Variants in CHD3 observed in about 807,000 individuals in gnomAD.
CHD3 encodes chromodomain helicase DNA binding protein 3.
CHD3 carries 52 observed loss-of-function variants against 248.9 expected under a neutral mutation model. That is an observed-to-expected ratio of 0.21 (90% CI 0.17 to 0.26). CHD3 has a LOEUF of 0.26. CHD3 is among the 10% of genes least tolerant of loss of function. The pLI is 1.00. For missense variants in CHD3, 1,482 were observed against 2,605.8 expected, an observed-to-expected ratio of 0.57 and a Z score of 9.39; for synonymous variants, 985 against 985.2, an observed-to-expected ratio of 1.00 and a Z score of 0.00.
In CHD3 at chr17:7,899,052, C is replaced by T. The variant is rs766033254; in HGVS notation, c.2193C>T (p.Ala731=). 6.2e-7 allele frequency: 1 copy of T among 1,614,180 alleles called. No homozygotes were observed. The highest frequency in any genetic ancestry group is 1.7e-5 in the Admixed American group (1 of 60,020). ...AGACTCAGCCACGGTTTATCACAGC[C>T]ACTGGAGGCACCCTGCACATGTATC... ...KYETQPRFIT[A]TGGTLHMYQL... The change falls in exon 14 of 40, where the codon GCC becomes GCT. Residue 731 remains alanine, a synonymous_variant. Transcript: ENST00000330494. This position sits in a 1 kb window ranked among gnomAD's most constrained non-coding sequence, Gnocchi z 6.8.
chr17:7,885,087 A>T, upstream of CHD3: 1 of 965,642 alleles, frequency 1.0e-6, no homozygotes, highest in Non-Finnish European at 1.2e-6. Flanking sequence ...CCGCCAGGTA[A>T]GCGCCCGCCC....
chr17:7,890,578 A>G lies in CHD3; in HGVS notation c.221A>G (p.Glu74Gly). 1.3e-6 allele frequency: 2 copies of G among 1,584,574 alleles called. No homozygotes were observed. Among genetic ancestry groups the G allele is most frequent in the Non-Finnish European group, 1.7e-6 (2 of 1,169,708 alleles). The change falls in exon 3 of 40, where the codon GAG (glutamate) becomes GGG (glycine). Residue 74 changes from glutamate to glycine, a missense_variant. Glu to Gly is a moderately conservative substitution (Grantham distance 98). This residue lies in a region of CHD3 where 169 missense variants were observed against 168.1 expected (regional missense o/e 1.01). Transcript: ENST00000330494. ...TTTATTTCTTTCTCTTAGGACAGTG[A>G]GGAGGAATTTGGTTCTGAGCGAGAT... ...KPRKRKKRDS[E>G]EEFGSERDEY...
rs754127135 is a variant in CHD3, at chr17:7,900,248, T to A, written c.2683-42T>A. 6.2e-6 allele frequency: 10 copies of A among 1,613,130 alleles called. No individual in the cohort carries two copies. In the South Asian group the frequency reaches 1.1e-4, roughly 18 times the overall value. On this transcript the variant is annotated intron_variant, in intron 16 of 39. Coordinates refer to ENST00000330494, the MANE Select transcript of CHD3 (RefSeq NM_001005273.3). The surrounding 1 kb of genome is among the most constrained non-coding windows in gnomAD (Gnocchi z 6.5). ...ATGCTGTGGGTCGGTCACTTGTCAC[T>A]AATAAGCCCATTTTCCTGCCTTGCC... is the stretch of plus-strand genomic sequence containing the variant.
In CHD3 at chr17:7,911,930, C is replaced by T. The variant is rs1971715149; in HGVS notation, c.*345C>T. On this transcript the variant is annotated 3_prime_UTR_variant, in exon 40 of 40. Transcript: ENST00000330494. This position sits in a 1 kb window ranked among gnomAD's most constrained non-coding sequence, Gnocchi z 5.4. ...GAGGAAAGAGGTGGAGCCTCCCCAG[C>T]CGTTTCCCTGCAGAATCAGCTCTGT... The T allele has an allele frequency of 5.1e-6, 2 of 389,788 alleles. No homozygotes were observed. The highest frequency in any genetic ancestry group is 2.2e-5 in the South Asian group (1 of 45,720). 24.1% of individuals were successfully genotyped at this position (389,788 alleles called of 1,614,324 possible).
chr17:7,906,467 G>C lies in CHD3; in HGVS notation c.4359-86G>C. On this transcript the variant is annotated intron_variant, in intron 28 of 39. Transcript: ENST00000330494. The surrounding 1 kb of genome is among the most constrained non-coding windows in gnomAD (Gnocchi z 5.0). ...CACCTGGGGATTTGGGGGTTTGGGG[G>C]TCCTCAGTCATCCTCGCGCCTCCCT... 2 of 1,437,608 alleles carry C rather than the reference G, an allele frequency of 1.4e-6. No individual in the cohort carries two copies. The highest frequency in any genetic ancestry group is 3.6e-5 in the Admixed American group (2 of 54,980). The allele number at this position is 1,437,608 out of a possible 1,614,324, so 89.1% of individuals were successfully genotyped here. A position where few individuals can be genotyped will look rare whatever the true frequency, so the allele number is the denominator to read the frequency against.
chr17:7,894,770 A>G lies in CHD3; in HGVS notation c.1270-147A>G, dbSNP rs1969410003. 3.6e-6 allele frequency: 5 copies of G among 1,392,596 alleles called. No individual in the cohort carries two copies. In the South Asian group the frequency reaches 6.8e-5, roughly 19 times the overall value. 86.3% of individuals were successfully genotyped at this position (1,392,596 alleles called of 1,614,324 possible). The stretch of plus-strand genomic sequence containing the variant: ...TGTATTCCTTTCTCCCACAATCAAC[A>G]TTTCTGAAACTGGAGTGTCCTTTTC... On this transcript the variant is annotated intron_variant, in intron 8 of 39. Transcript: ENST00000330494.
chr17:7,910,130 C>G lies in CHD3; in HGVS notation c.5591-298C>G. 1 of 369,990 alleles carries G rather than the reference C, an allele frequency of 2.7e-6. No homozygotes were observed. The highest frequency in any genetic ancestry group is 5.0e-6 in the Non-Finnish European group (1 of 201,064). The allele number at this position is 369,990 out of a possible 1,614,324, so 22.9% of individuals were successfully genotyped here. A position where few individuals can be genotyped will look rare whatever the true frequency, so the allele number is the denominator to read the frequency against. Reference sequence around the variant, plus strand: ...TCCCCGCCCCCATGTCTTCCAATGTCCCCCCATCTTCCTTTCCTCCATGCT... The same window carrying G: ...TCCCCGCCCCCATGTCTTCCAATGTGCCCCCATCTTCCTTTCCTCCATGCT... On this transcript the variant is annotated intron_variant, in intron 37 of 39. Coordinates refer to ENST00000330494, the MANE Select transcript of CHD3 (RefSeq NM_001005273.3). This position sits in a 1 kb window ranked among gnomAD's most constrained non-coding sequence, Gnocchi z 4.7.
At chr17:7,888,733 C>T (rs1968376014), upstream of CHD3, 6 of 1,086,142 alleles carry the variant, frequency 5.5e-6, no homozygotes, top group South Asian at 1.0e-4. Flanking sequence ...TGTGGGTGCG[C>T]GCGTGCGCGC....
chr17:7,910,239 C>A lies in CHD3; in HGVS notation c.5591-189C>A. On this transcript the variant is annotated intron_variant, in intron 37 of 39. Transcript: ENST00000330494. The surrounding 1 kb of genome is among the most constrained non-coding windows in gnomAD (Gnocchi z 4.7). ...TCTTTTCCTGACACTTTTTCTTTTC[C>A]CCTGAGTTGCTTCTGTTTTCCATCT... The A allele has an allele frequency of 1.5e-6, 1 of 666,746 alleles. No individual in the cohort carries two copies. The highest frequency in any genetic ancestry group is 2.7e-5 in the Admixed American group (1 of 37,658). The allele number at this position is 666,746 out of a possible 1,614,324, so 41.3% of individuals were successfully genotyped here. A position where few individuals can be genotyped will look rare whatever the true frequency, so the allele number is the denominator to read the frequency against.
At position 7,907,709 on chromosome 17, in the gene CHD3, G is replaced by A. The variant is rs753646580; in HGVS notation, c.5026+7G>A. 10 of 1,527,024 alleles carry A rather than the reference G, an allele frequency of 6.5e-6. No individual in the cohort carries two copies. The East Asian group carries it at 1.2e-4, about 18-fold the overall frequency. The allele number at this position is 1,527,024 out of a possible 1,614,324, so 94.6% of individuals were successfully genotyped here. ...GGGGATTTGGGCAAGAGAGGTAATGGGTGGAAGGGACCGGACACCTGGGTC... is the reference window on the plus strand; with the variant it reads ...GGGGATTTGGGCAAGAGAGGTAATGAGTGGAAGGGACCGGACACCTGGGTC... On this transcript the variant is annotated splice_region_variant and intron_variant, in intron 33 of 39. Coordinates refer to ENST00000330494, the MANE Select transcript of CHD3 (RefSeq NM_001005273.3). This position sits in a 1 kb window ranked among gnomAD's most constrained non-coding sequence, Gnocchi z 4.3.
rs1163390907 is a variant in CHD3 at position 7,899,220 on chromosome 17, C to T, written c.2343+18C>T. 1.2e-6 allele frequency: 2 copies of T among 1,609,394 alleles called. No homozygotes were observed. Among genetic ancestry groups the T allele is most frequent in the East Asian group, 2.2e-5 (1 of 44,790 alleles). On this transcript the variant is annotated intron_variant, in intron 14 of 39. Transcript: ENST00000330494. This position sits in a 1 kb window ranked among gnomAD's most constrained non-coding sequence, Gnocchi z 6.8. ...ACAAGGAGGTGCTGGATTCTAGGAC[C>T]TTGAAGGGGACCGCCTGGACTGGGG...
chr17:7,901,196 G>T, intron 19 of CHD3, 48 bp from the exon 20 acceptor site: 2 of 1,555,212 alleles, frequency 1.3e-6, no homozygotes, highest in Non-Finnish European at 1.7e-6. Flanking sequence ...GAATATGGGG[G>T]CATGTTTCCA....
Position 7,909,102 on chromosome 17 carries a change from TG to T in CHD3, c.5395-39del. The stretch of plus-strand genomic sequence containing the variant: ...GCCCCCCCAGCCCCTCACCCACTGC[TG>T]GCAGAGCCCTACCTTCACCTCCCAA... On this transcript the variant is annotated intron_variant, in intron 36 of 39. Transcript: ENST00000330494. The surrounding 1 kb of genome is among the most constrained non-coding windows in gnomAD (Gnocchi z 8.1). 1 of 1,549,544 alleles carries T rather than the reference TG, an allele frequency of 6.5e-7. No homozygotes were observed. Among genetic ancestry groups the T allele is most frequent in the Admixed American group, 2.0e-5 (1 of 50,994 alleles).
At chr17:7,891,350 G>A (rs553334422) in intron 4 of CHD3, among the ~76,000 whole-genome samples, 2 of 152,270 alleles carry the variant, frequency 1.3e-5, no homozygotes, top group East Asian at 3.9e-4. Context: ...AGAATATAGT[G>A]AGCCCTCCCC....
chr17:7,885,074 C>T, upstream of CHD3: 1 of 989,720 alleles, frequency 1.0e-6, no homozygotes, highest in South Asian at 4.5e-5. Flanking sequence ...GCCGCCGCCC[C>T]CGCCGCCAGG....
chr17:7,893,483 C>T lies in CHD3; in HGVS notation c.707C>T (p.Pro236Leu). Residue 236 changes from proline to leucine, a missense_variant, in exon 5 of 40, where the codon CCC becomes CTC. Physicochemically the swap from Pro to Leu is moderately conservative, Grantham distance 98. This residue lies in a region of CHD3 where 149 missense variants were observed against 182.6 expected (regional missense o/e 0.82). Coordinates refer to ENST00000330494, the MANE Select transcript of CHD3 (RefSeq NM_001005273.3). ...AAVSSATPIA[P>L]SGPPALPPPP... Reference sequence around the variant, plus strand: ...GTCTCGTCGGCCACCCCCATAGCACCCTCCGGACCCCCCGCCCTTCCACCA... The same window carrying T: ...GTCTCGTCGGCCACCCCCATAGCACTCTCCGGACCCCCCGCCCTTCCACCA... 1 of 1,588,770 alleles carries T rather than the reference C, an allele frequency of 6.3e-7. No individual in the cohort carries two copies. The highest frequency in any genetic ancestry group is 8.6e-7 in the Non-Finnish European group (1 of 1,162,560).
At position 7,909,326 on chromosome 17, in the gene CHD3, G is replaced by A. The variant is rs944136166; in HGVS notation, c.5578G>A (p.Val1860Ile). Residue 1860 changes from valine to isoleucine, a missense_variant, in exon 37 of 40, where the codon GTC (valine) becomes ATC (isoleucine). Physicochemically the swap from Val to Ile is conservative, Grantham distance 29 (BLOSUM62 3). This residue lies in a region of CHD3 where 83 missense variants were observed against 181.0 expected (regional missense o/e 0.46). Transcript: ENST00000330494. This position sits in a 1 kb window ranked among gnomAD's most constrained non-coding sequence, Gnocchi z 8.1. ...SLAGNKPANA[V>I]LHKVLNQLEE... Reference sequence around the variant, plus strand: ...GGCGGGGAACAAGCCGGCCAACGCCGTCCTGCACAAGGGTAAGGGCCGCGG... The same window carrying A: ...GGCGGGGAACAAGCCGGCCAACGCCATCCTGCACAAGGGTAAGGGCCGCGG... 1.1e-5 allele frequency: 17 copies of A among 1,556,402 alleles called. No individual in the cohort carries two copies. Among genetic ancestry groups the A allele is most frequent in the Non-Finnish European group, 1.5e-5 (17 of 1,151,626 alleles).
In CHD3 at chr17:7,895,584, T is replaced by C. The variant is rs1969522001; in HGVS notation, c.1707+42T>C. 1 of 1,526,128 alleles carries C rather than the reference T, an allele frequency of 6.6e-7. No homozygotes were observed. Among genetic ancestry groups the C allele is most frequent in the African/African-American group, 1.4e-5 (1 of 73,044 alleles). 94.5% of individuals were successfully genotyped at this position (1,526,128 alleles called of 1,614,324 possible). ...TTTCCCTCTCCCCCATGACCTCATT[T>C]CCTGCCATCCTCTCCCTCTCTTACT... On this transcript the variant is annotated intron_variant, in intron 10 of 39. Transcript: ENST00000330494. This position sits in a 1 kb window ranked among gnomAD's most constrained non-coding sequence, Gnocchi z 4.9.
At chr17:7,891,137 T>C in intron 4 of CHD3, 73 bp downstream of exon 4, 2 of 1,544,762 alleles carry the variant, frequency 1.3e-6, no homozygotes, top group Non-Finnish European at 1.8e-6. Context: ...CCTTGGAATC[T>C]GATGAAAGCT....
Sources: allele counts gnomAD v4.1 joint callset (sites outside exome capture counted in the v4.1 genomes callset), GRCh38; gene constraint gnomAD v4.1.1; regional missense constraint gnomAD v4.1.1; non-coding constraint Gnocchi (gnomAD v3.1); transcripts MANE v1.5; gene names NCBI Gene and HGNC (gene_info 2026-07-23, HGNC 2026-07-21).